BCAS3: variants seen among roughly 807,000 people sequenced by gnomAD.
BCAS3 encodes BCAS4/BCAS3 fusion.
BCAS3 carries 53 observed loss-of-function variants against 116.1 expected under a neutral mutation model. That is an observed-to-expected ratio of 0.46 (90% CI 0.37 to 0.57). BCAS3 has a LOEUF of 0.57. BCAS3 is among the 20% of genes least tolerant of loss of function. The probability of loss-of-function intolerance (pLI) is 0.00; values close to 1 mark genes in which losing one functional copy is unlikely to be tolerated. For synonymous variants in BCAS3, 391 were observed against 408.2 expected (o/e 0.96, Z 0.51); for missense variants, 917 against 1,165.4 (o/e 0.79, Z 3.10).
At chr17:60,901,780 T>C (rs139250921) in intron 10 of BCAS3, among the ~76,000 whole-genome samples, 39 of 152,348 alleles carry the variant, frequency 2.6e-4, no homozygotes, top group African/African-American at 8.7e-4. Flanking sequence ...TTGTGAGATA[T>C]AGATTCTTCG....
chr17:60,708,496 C>T (rs1367388954), intron 4 of BCAS3, among the ~76,000 whole-genome samples: 2 of 151,980 alleles, frequency 1.3e-5, no homozygotes, highest in Non-Finnish European at 2.9e-5. Flanking sequence ...GTATCTAGTA[C>T]TGTAAGTGTG....
chr17:61,240,887 G>A (rs1269573056), intron 22 of BCAS3, among the ~76,000 whole-genome samples: 4 of 152,114 alleles, frequency 2.6e-5, no homozygotes, highest in Non-Finnish European at 5.9e-5. Context: ...TTTTTAAAAG[G>A]TACCAAGGGC....
intron 6 of BCAS3, among the ~76,000 whole-genome samples, chr17:60,777,847 T>A (rs1258337910): frequency 6.6e-6 from 1 of 152,208 alleles, no homozygotes; most frequent in Non-Finnish European, 1.5e-5. Context: ...TTTTGGAATG[T>A]TACTTCCTTT....
chr17:61,072,300 C>T (rs79031607), intron 19 of BCAS3, among the ~76,000 whole-genome samples: 1 of 152,094 alleles, frequency 6.6e-6, no homozygotes, highest in Non-Finnish European at 1.5e-5. Context: ...CCAGCTATAA[C>T]AATGATCAAC....
intron 7 of BCAS3, chr17:60,851,469 C>A: frequency 3.8e-6 from 2 of 521,700 alleles, no homozygotes; most frequent in South Asian, 3.1e-5. Context: ...TAAACTTGCT[C>A]CTGCAAAAAT....
intron 22 of BCAS3, among the ~76,000 whole-genome samples, chr17:61,109,868 G>C (rs961549558): frequency 2.6e-5 from 4 of 152,194 alleles, no homozygotes; most frequent in Non-Finnish European, 4.4e-5. Flanking sequence ...AGATTGTGAA[G>C]ATTTTCTCCC....
intron 19 of BCAS3, chr17:61,070,473 A>C: frequency 5.7e-6 from 1 of 176,336 alleles, no homozygotes; most frequent in Non-Finnish European, 1.1e-5. Flanking sequence ...TGTTATTCAC[A>C]TGAGAATTTT....
chr17:60,816,420 G>A (rs1276663256), intron 7 of BCAS3, among the ~76,000 whole-genome samples: 1 of 151,706 alleles, frequency 6.6e-6, no homozygotes, highest in Admixed American at 6.6e-5. Context: ...GACTACAGGT[G>A]TGCACCACCA....
intron 22 of BCAS3, among the ~76,000 whole-genome samples, chr17:61,093,423 C>CA (rs2073757480): frequency 6.6e-6 from 1 of 152,062 alleles, no homozygotes; most frequent in Non-Finnish European, 1.5e-5. Context: ...TCTGTCTGTA[C>CA]AAAAAGTACA....
chr17:60,814,362 C>G (rs946606455), intron 7 of BCAS3, among the ~76,000 whole-genome samples: 2 of 150,090 alleles, frequency 1.3e-5, no homozygotes. Flanking sequence ...TCAGTTTGGA[C>G]GTTATTTGTA....
intron 13 of BCAS3, among the ~76,000 whole-genome samples, chr17:60,933,190 A>G (rs535497081): frequency 1.3e-5 from 2 of 152,262 alleles, no homozygotes; most frequent in Admixed American, 1.3e-4. Context: ...AAAGGACCCC[A>G]TGGAAATGAC....
In BCAS3 at chr17:61,377,578, C is replaced by T. The variant is rs2059396618; in HGVS notation, c.2593+9084C>T. On this transcript the variant is annotated intron_variant, in intron 23 of 23. Transcript: ENST00000407086. This position sits in a 1 kb window ranked among gnomAD's most constrained non-coding sequence, Gnocchi z 4.6. ...TGACCCTGGGCAAGTGCCTTTCCCT[C>T]TCTGGGCCAGTTTCTTCCTCTGTGA... is the stretch of plus-strand genomic sequence containing the variant. Among the ~76,000 whole-genome samples the T allele has an allele frequency of 6.6e-6, 1 of 152,158 alleles. No homozygotes were observed. The highest frequency in any genetic ancestry group is 2.1e-4 in the South Asian group (1 of 4,828).
chr17:60,685,499 CTT>C (rs2033894770), intron 3 of BCAS3, among the ~76,000 whole-genome samples: 1 of 150,156 alleles, frequency 6.7e-6, no homozygotes, highest in African/African-American at 2.4e-5. Flanking sequence ...TTAGATCTGA[CTT>C]TATATTTCAG....
intron 22 of BCAS3, among the ~76,000 whole-genome samples, chr17:61,170,008 C>A (rs2078743688): frequency 6.6e-6 from 1 of 151,950 alleles, no homozygotes; most frequent in South Asian, 2.1e-4. Context: ...ATGGATGCCA[C>A]CTCGCCTGGC....
chr17:60,938,607 G>C (rs1269520785), intron 13 of BCAS3, among the ~76,000 whole-genome samples: 1 of 152,090 alleles, frequency 6.6e-6, no homozygotes, highest in Admixed American at 6.5e-5. Context: ...AGATTTCTTA[G>C]ATAAACACCC....
chr17:61,219,114 G>T lies in BCAS3; in HGVS notation c.2425+134550G>T, dbSNP rs558920933. Among the ~76,000 whole-genome samples the T allele has an allele frequency of 1.3e-5, 2 of 152,278 alleles. No individual in the cohort carries two copies. The highest frequency in any genetic ancestry group is 4.8e-5 in the African/African-American group (2 of 41,566). On this transcript the variant is annotated intron_variant, in intron 22 of 23. Transcript: ENST00000407086. The surrounding 1 kb of genome is among the most constrained non-coding windows in gnomAD (Gnocchi z 5.2). ...TAACTAATATTTTTATAGGAAATAT[G>T]AAATGAAGTAAAGTCCAAAAGCAAA...
chr17:61,274,409 C>G (rs2050601278), intron 22 of BCAS3, among the ~76,000 whole-genome samples: 1 of 151,196 alleles, frequency 6.6e-6, no homozygotes, highest in African/African-American at 2.4e-5. Flanking sequence ...CTGCCTCAGC[C>G]TCCTGAGTAG....
chr17:61,251,911 C>T lies in BCAS3; in HGVS notation c.2426-116416C>T, dbSNP rs925592446. On this transcript the variant is annotated intron_variant, in intron 22 of 23. Transcript: ENST00000407086. This position sits in a 1 kb window ranked among gnomAD's most constrained non-coding sequence, Gnocchi z 4.7. ...ATAATGAAGATCCCAAATATGTGAG[C>T]CTTCTATCAAGCTTGATCTCAAGGA... Among the ~76,000 whole-genome samples the T allele has an allele frequency of 2.0e-5, 3 of 152,076 alleles. No homozygotes were observed. The highest frequency in any genetic ancestry group is 7.2e-5 in the African/African-American group (3 of 41,394).
intron 7 of BCAS3, among the ~76,000 whole-genome samples, chr17:60,860,716 A>G (rs1318192721): frequency 1.3e-5 from 2 of 152,218 alleles, no homozygotes; most frequent in South Asian, 4.1e-4. Context: ...ATGGTTTGCC[A>G]GTAGTCCCAC....
Sources: gnomAD v4.1 joint callset for allele counts (sites outside exome capture counted in the v4.1 genomes callset) on GRCh38, gnomAD v4.1.1 for gene constraint, Gnocchi (gnomAD v3.1) non-coding constraint, MANE v1.5 for transcripts, NCBI Gene and HGNC (gene_info 2026-07-23, HGNC 2026-07-21) for gene names.